The following TOX variants were observed in gnomAD, a reference collection of about 807,000 sequenced individuals.
TOX encodes the protein thymocyte selection-associated high mobility group box protein TOX.
Under a neutral mutation model 53.7 loss-of-function variants are expected in TOX, and 11 were observed. The ratio of observed to expected loss-of-function variants is 0.20; its 90% CI spans 0.13 to 0.34. The LOEUF (loss-of-function observed/expected upper bound fraction) is 0.34. Among genes scored for constraint, TOX ranks in the 10% least tolerant of loss-of-function variants. The probability of loss-of-function intolerance (pLI) is 1.00; values close to 1 mark genes in which losing one functional copy is unlikely to be tolerated. For missense variants in TOX, 570 were observed against 664.6 expected, an observed-to-expected ratio of 0.86 and a Z score of 1.56; for synonymous variants, 225 against 245.3, an observed-to-expected ratio of 0.92 and a Z score of 0.77.
At chr8:59,096,184 C>T (rs1415497774) in intron 1 of TOX, among the ~76,000 whole-genome samples, 1 of 152,150 alleles carries the variant, frequency 6.6e-6, no homozygotes, top group Non-Finnish European at 1.5e-5. Context: ...TTTATTATCA[C>T]CTGATGAAAC....
intron 1 of TOX, among the ~76,000 whole-genome samples, chr8:59,056,604 T>A (rs1013560763): frequency 6.6e-6 from 1 of 152,158 alleles, no homozygotes; most frequent in Non-Finnish European, 1.5e-5. Flanking sequence ...AAGGATTGAA[T>A]CTGAGCTTAT....
chr8:58,810,507 A>C (rs563898451), intron 7 of TOX, among the ~76,000 whole-genome samples: 1 of 151,602 alleles, frequency 6.6e-6, no homozygotes, highest in African/African-American at 2.4e-5. Context: ...GCCTTGCTAA[A>C]TTTTTTTTGG....
rs115012298 is a variant in TOX, at chr8:58,812,856, C to T, written c.1392+2482G>A. 3.4e-3 allele frequency among the ~76,000 whole-genome samples: 525 copies of T among 152,334 alleles called. 3 individuals carry two copies. Among genetic ancestry groups the T allele is most frequent in the African/African-American group, 0.012 (491 of 41,572 alleles). ...GGAATTGAAATTGAAATTCTACTAC[C>T]TGATCTTTAAATCCTTCTAACAGTG... is the stretch of plus-strand genomic sequence containing the variant. On this transcript the variant is annotated intron_variant, in intron 7 of 8. Transcript: ENST00000361421.
chr8:58,892,222 G>A (rs926409620), intron 3 of TOX, among the ~76,000 whole-genome samples: 4 of 151,962 alleles, frequency 2.6e-5, no homozygotes, highest in Non-Finnish European at 5.9e-5. Context: ...TTTATTTTAT[G>A]GCATGCCTTA....
chr8:58,958,351 C>T (rs1055390072), intron 2 of TOX, among the ~76,000 whole-genome samples: 5 of 152,142 alleles, frequency 3.3e-5, no homozygotes, highest in South Asian at 2.1e-4. Context: ...CTCTTTAAGA[C>T]GGACATAATG....
chr8:59,107,845 C>T (rs1804941375), intron 1 of TOX, among the ~76,000 whole-genome samples: 2 of 152,180 alleles, frequency 1.3e-5, no homozygotes, highest in Admixed American at 6.6e-5. Flanking sequence ...TAGGTTGTAG[C>T]TGATGAGCCA....
intron 4 of TOX, among the ~76,000 whole-genome samples, chr8:58,849,277 T>C (rs1340221904): frequency 6.6e-6 from 1 of 152,178 alleles, no homozygotes; most frequent in African/African-American, 2.4e-5. Context: ...TGAATGTTTG[T>C]GCAGATAAAA....
intron 1 of TOX, among the ~76,000 whole-genome samples, chr8:59,096,339 C>T (rs984004184): frequency 3.3e-5 from 5 of 152,158 alleles, no homozygotes; most frequent in Admixed American, 6.6e-5. Flanking sequence ...AACTTCTTTG[C>T]ACTGTGGCAA....
At chr8:59,065,891 T>C (rs564489098) in intron 1 of TOX, among the ~76,000 whole-genome samples, 2 of 152,294 alleles carry the variant, frequency 1.3e-5, no homozygotes, top group East Asian at 3.9e-4. Flanking sequence ...GTCTCACATA[T>C]TGACAAAACC....
chr8:58,952,951 T>C (rs1449411605), intron 2 of TOX, among the ~76,000 whole-genome samples: 1 of 152,172 alleles, frequency 6.6e-6, no homozygotes, highest in East Asian at 1.9e-4. Flanking sequence ...TGTTTATGTT[T>C]TAAAATGTTC....
intron 3 of TOX, among the ~76,000 whole-genome samples, chr8:58,859,125 G>A (rs542113456): frequency 3.4e-4 from 52 of 152,146 alleles, no homozygotes; most frequent in African/African-American, 8.7e-4. Flanking sequence ...ACCTTCTTGT[G>A]ATCTATTTAT....
At chr8:59,009,665 C>G (rs1813863509) in intron 1 of TOX, among the ~76,000 whole-genome samples, 1 of 152,176 alleles carries the variant, frequency 6.6e-6, no homozygotes, top group South Asian at 2.1e-4. Flanking sequence ...AGCCACCACG[C>G]CCGGCCATCC....
At chr8:58,914,373 C>T (rs935258056) in intron 3 of TOX, among the ~76,000 whole-genome samples, 1 of 152,188 alleles carries the variant, frequency 6.6e-6, no homozygotes, top group Admixed American at 6.5e-5. Context: ...GGTAGACTCC[C>T]TATTTCCTTT....
chr8:59,075,041 C>G (rs116505371), intron 1 of TOX, among the ~76,000 whole-genome samples: 1 of 152,114 alleles, frequency 6.6e-6, no homozygotes, highest in Non-Finnish European at 1.5e-5. Context: ...AAAATGGGAA[C>G]GCAGATGTAA....
At chr8:58,881,409 T>TG (rs34313179) in intron 3 of TOX, among the ~76,000 whole-genome samples, 109,994 of 151,984 alleles carry the variant, frequency 0.72, 40,956 homozygotes, top group African/African-American at 0.92. Context: ...CATCCTTGCA[T>TG]GGCACATGTG....
intron 1 of TOX, among the ~76,000 whole-genome samples, chr8:59,020,663 C>T (rs898404950): frequency 2.6e-5 from 4 of 152,064 alleles, no homozygotes; most frequent in Non-Finnish European, 5.9e-5. Context: ...CATGCTTTTA[C>T]GTTGCCTTTA....
chr8:59,012,336 C>T (rs1813922250), intron 1 of TOX, among the ~76,000 whole-genome samples: 1 of 151,850 alleles, frequency 6.6e-6, no homozygotes, highest in African/African-American at 2.4e-5. Context: ...GTTTGAGGTG[C>T]ACTGGGAATA....
chr8:59,058,173 C>T (rs977120707), intron 1 of TOX, among the ~76,000 whole-genome samples: 15 of 152,268 alleles, frequency 9.9e-5, no homozygotes, highest in Middle Eastern at 3.4e-3. Context: ...TGTAAGCTTG[C>T]TACAAAGGAG....
At chr8:59,071,351 A>T (rs377164552) in intron 1 of TOX, among the ~76,000 whole-genome samples, 34 of 152,206 alleles carry the variant, frequency 2.2e-4, no homozygotes, top group African/African-American at 7.7e-4. Context: ...TGAATGAGTT[A>T]TCAAACTTCA....
Sources: gnomAD v4.1 joint callset for allele counts (sites outside exome capture counted in the v4.1 genomes callset) on GRCh38, gnomAD v4.1.1 for gene constraint, MANE v1.5 for transcripts, NCBI Gene and HGNC (gene_info 2026-07-23, HGNC 2026-07-21) for gene names.